NRXN1: variants seen among roughly 807,000 people sequenced by gnomAD.
NRXN1 encodes neurexin-1.
A neutral mutation model predicts 150.9 loss-of-function variants in NRXN1; 39 were observed. The ratio of observed to expected loss-of-function variants is 0.26; its 90% confidence interval spans 0.20 to 0.34. The LOEUF (loss-of-function observed/expected upper bound fraction) is 0.34. Among genes scored for constraint, NRXN1 ranks in the 10% least tolerant of loss-of-function variants. NRXN1 has a pLI of 1.00. For missense variants in NRXN1, 1,815 were observed against 1,949.9 expected, an observed-to-expected ratio of 0.93 and a Z score of 1.30; for synonymous variants, 924 against 757.0, an observed-to-expected ratio of 1.22 and a Z score of -3.62.
chr2:49,967,977 TA>T (rs1217009212), intron 21 of NRXN1, among the ~76,000 whole-genome samples: 11 of 152,180 alleles, frequency 7.2e-5, no homozygotes, highest in African/African-American at 2.6e-4. Flanking sequence ...CACCATATTT[TA>T]AGCTGCTTAC....
At chr2:50,023,884 CA>C (rs1200047677) in intron 21 of NRXN1, 1 of 152,218 alleles carries the variant, frequency 6.6e-6, no homozygotes, top group African/African-American at 2.4e-5. Context: ...TGTATGCCAC[CA>C]AGAAAAATTA....
chr2:50,249,893 C>G (rs1360293667), intron 17 of NRXN1, among the ~76,000 whole-genome samples: 6 of 152,100 alleles, frequency 3.9e-5, no homozygotes, highest in Non-Finnish European at 5.9e-5. Context: ...CCGTCTTGGC[C>G]ACCCAAAGTG....
chr2:49,987,712 T>C (rs886184942), intron 21 of NRXN1, among the ~76,000 whole-genome samples: 1 of 151,884 alleles, frequency 6.6e-6, no homozygotes, highest in East Asian at 1.9e-4. Flanking sequence ...TCTACCTAAA[T>C]AGAAGGATGA....
chr2:50,357,738 C>T (rs1365320215), intron 17 of NRXN1, among the ~76,000 whole-genome samples: 14 of 152,078 alleles, frequency 9.2e-5, no homozygotes, highest in African/African-American at 3.1e-4. Context: ...TTGTTTTAGC[C>T]CAATTCACAG....
At chr2:49,999,185 T>C (rs1416347244) in intron 21 of NRXN1, among the ~76,000 whole-genome samples, 2 of 152,150 alleles carry the variant, frequency 1.3e-5, no homozygotes, top group Admixed American at 1.3e-4. Context: ...CATGACTTTT[T>C]AGAATTGTGT....
chr2:50,510,640 T>C (rs1249685568), intron 12 of NRXN1, among the ~76,000 whole-genome samples: 1 of 152,218 alleles, frequency 6.6e-6, no homozygotes, highest in East Asian at 1.9e-4. Context: ...TACTGTAACA[T>C]ATTATTTAAG....
In NRXN1 at chr2:50,379,857, C is replaced by T. The variant is rs185917136; in HGVS notation, c.3364+85585G>A. ...ATCTCATTTTAAACACCCAGTTCTA[C>T]CATATTGTGTTTAGTGACACTAATC... On this transcript the variant is annotated intron_variant, in intron 17 of 22. Coordinates refer to ENST00000401669, the MANE Select transcript of NRXN1 (RefSeq NM_001330078.2). Among the ~76,000 whole-genome samples the T allele has an allele frequency of 3.9e-5, 6 of 152,228 alleles. No homozygotes were observed. In the East Asian group the frequency reaches 1.2e-3, roughly 29 times the overall value.
intron 5 of NRXN1, among the ~76,000 whole-genome samples, chr2:50,900,812 T>C (rs1559414801): frequency 6.6e-6 from 1 of 152,102 alleles, no homozygotes; most frequent in East Asian, 1.9e-4. Flanking sequence ...AGGAATGATG[T>C]AATGCAAGAA....
intron 19 of NRXN1, among the ~76,000 whole-genome samples, chr2:50,078,528 C>T (rs190732981): frequency 1.3e-5 from 2 of 151,928 alleles, no homozygotes; most frequent in Non-Finnish European, 2.9e-5. Context: ...TTTTGTTTTA[C>T]CAGTTTTCAA....
intron 12 of NRXN1, among the ~76,000 whole-genome samples, chr2:50,514,123 A>G (rs374911816): frequency 6.6e-6 from 1 of 152,144 alleles, no homozygotes; most frequent in Non-Finnish European, 1.5e-5. Flanking sequence ...AATCTGACTT[A>G]CTCAATTAAA....
chr2:50,456,891 C>T (rs1435090806), intron 17 of NRXN1, among the ~76,000 whole-genome samples: 1 of 152,098 alleles, frequency 6.6e-6, no homozygotes, highest in East Asian at 1.9e-4. Context: ...AGAATAAACT[C>T]AGGTATAATT....
intron 5 of NRXN1, chr2:50,656,498 T>C (rs535706002): frequency 1.1e-4 from 75 of 663,216 alleles, no homozygotes; most frequent in Middle Eastern, 5.5e-4. Flanking sequence ...CCAACTGAGG[T>C]CTGGGGGTGA....
intron 21 of NRXN1, among the ~76,000 whole-genome samples, chr2:49,965,018 T>G (rs1676702980): frequency 1.3e-5 from 2 of 151,780 alleles, no homozygotes; most frequent in Admixed American, 1.3e-4. Flanking sequence ...CCCTGACAGG[T>G]GCAGGTGCAC....
chr2:50,455,337 G>A (rs536008769), intron 17 of NRXN1, among the ~76,000 whole-genome samples: 3 of 152,228 alleles, frequency 2.0e-5, no homozygotes, highest in South Asian at 2.1e-4. Context: ...AGCTTTCAGG[G>A]ACTCAGATAC....
Position 50,497,668 on chromosome 2 carries a change from C to A in NRXN1, c.2544G>T (p.Glu848Asp). The change falls in exon 14 of 23, where the codon GAG becomes GAT. Residue 848 changes from glutamate (E) to aspartate (D), a missense_variant. Glu to Asp is a conservative substitution (Grantham distance 45). This residue lies in a region of NRXN1 where 638 missense variants were observed against 652.6 expected (regional missense o/e 0.98). Transcript: ENST00000401669. ...DHTRLEFHNIETGIITERRYL... is the reference protein window; with the variant it reads ...DHTRLEFHNIDTGIITERRYL... ...ACCGTCGTTCTGTGATGATGCCAGT[C>A]TCTATGTTATGGAACTCCAGCCTAG... 6.2e-7 allele frequency: 1 copy of A among 1,613,804 alleles called. No individual in the cohort carries two copies. The highest frequency in any genetic ancestry group is 8.5e-7 in the Non-Finnish European group (1 of 1,179,758).
At chr2:50,146,923 T>C (rs867005663) in intron 18 of NRXN1, among the ~76,000 whole-genome samples, 15 of 151,748 alleles carry the variant, frequency 9.9e-5, no homozygotes, top group African/African-American at 3.1e-4. Context: ...ATTTATGCAT[T>C]CTAACACTCA....
chr2:50,813,499 C>T (rs758188553), intron 5 of NRXN1, among the ~76,000 whole-genome samples: 11 of 151,966 alleles, frequency 7.2e-5, no homozygotes, highest in Non-Finnish European at 5.9e-5. Context: ...AAGTAAAAAT[C>T]GTTGATTATT....
intron 17 of NRXN1, among the ~76,000 whole-genome samples, chr2:50,465,075 C>T (rs549388655): frequency 1.3e-5 from 2 of 151,420 alleles, no homozygotes; most frequent in East Asian, 3.9e-4. Flanking sequence ...AAAATTACAG[C>T]CCTCGAGACA....
intron 17 of NRXN1, among the ~76,000 whole-genome samples, chr2:50,393,507 G>A (rs1156659632): frequency 6.6e-6 from 1 of 152,082 alleles, no homozygotes; most frequent in Non-Finnish European, 1.5e-5. Flanking sequence ...TATTTTGGCT[G>A]TGGAAAACAG....
Sources: gnomAD v4.1 joint callset for allele counts (sites outside exome capture counted in the v4.1 genomes callset) on GRCh38, gnomAD v4.1.1 for gene constraint, gnomAD v4.1.1 regional missense constraint, MANE v1.5 for transcripts, NCBI Gene and HGNC (gene_info 2026-07-23, HGNC 2026-07-21) for gene names.